ADAM12: variants seen among roughly 807,000 people sequenced by gnomAD.
ADAM12 encodes disintegrin and metalloproteinase domain-containing protein 12.
Under a neutral mutation model 106.4 loss-of-function variants are expected in ADAM12, and 70 were observed. The ratio of observed to expected loss-of-function variants is 0.66; its 90% CI spans 0.54 to 0.80. ADAM12 has a LOEUF of 0.80. Ranked by LOEUF, ADAM12 falls within the 30% of genes least tolerant of loss-of-function variation. The pLI is 0.00. For synonymous variants in ADAM12, 420 were observed against 433.5 expected (o/e 0.97, Z 0.39); for missense variants, 1,010 against 1,171.9 (o/e 0.86, Z 2.02).
At chr10:126,191,699 A>G (rs2133804054) in intron 3 of ADAM12, among the ~76,000 whole-genome samples, 1 of 152,344 alleles carries the variant, frequency 6.6e-6, no homozygotes, top group Non-Finnish European at 1.5e-5. Context: ...TGTGGACAAT[A>G]GCTTAACATA....
chr10:126,018,141 C>A lies in ADAM12; in HGVS notation c.2661-802G>T, dbSNP rs11244769. 2.6e-5 allele frequency among the ~76,000 whole-genome samples: 4 copies of A among 152,322 alleles called. No homozygotes were observed. In the East Asian group the frequency reaches 5.8e-4, roughly 22 times the overall value. On this transcript the variant is annotated intron_variant, in intron 22 of 22. Coordinates refer to ENST00000448723, the MANE Select transcript of ADAM12 (RefSeq NM_001288973.2). ...TCTTTCACGGGCCAAACATTCTTCC[C>A]AAGAGCTGTAATAAAATCACTCCAG... is the stretch of plus-strand genomic sequence containing the variant.
chr10:126,274,659 G>A (rs1000931923), intron 3 of ADAM12, among the ~76,000 whole-genome samples: 1 of 152,002 alleles, frequency 6.6e-6, no homozygotes, highest in African/African-American at 2.4e-5. Flanking sequence ...TATCTTCATC[G>A]AGATGGTCCA....
intron 11 of ADAM12, among the ~76,000 whole-genome samples, chr10:126,075,264 G>C (rs1284639376): frequency 6.6e-6 from 1 of 152,194 alleles, no homozygotes; most frequent in Non-Finnish European, 1.5e-5. Flanking sequence ...CAAGGAGGCA[G>C]GTGACTATTC....
At position 126,240,555 on chromosome 10, in the gene ADAM12, T is replaced by G. The variant is rs148623269; in HGVS notation, c.260+38360A>C. Among the ~76,000 whole-genome samples, 370 of 152,336 alleles carry G rather than the reference T, an allele frequency of 2.4e-3. 1 individual carries two copies. Among genetic ancestry groups the G allele is most frequent in the African/African-American group, 8.2e-3 (339 of 41,576 alleles). On this transcript the variant is annotated intron_variant, in intron 3 of 22. Coordinates refer to ENST00000448723, the MANE Select transcript of ADAM12 (RefSeq NM_001288973.2). Reference sequence around the variant, plus strand: ...GGAAAGACTGAGGGTTAGGCAGGCCTATTTCACACAGGCAGTCAGCTGTGC... The same window carrying G: ...GGAAAGACTGAGGGTTAGGCAGGCCGATTTCACACAGGCAGTCAGCTGTGC...
At chr10:126,287,965 A>G (rs1413389156) in intron 2 of ADAM12, among the ~76,000 whole-genome samples, 1 of 151,786 alleles carries the variant, frequency 6.6e-6, no homozygotes, top group Non-Finnish European at 1.5e-5. Flanking sequence ...ATGCCTCTGT[A>G]GGATGAAGGG....
intron 5 of ADAM12, among the ~76,000 whole-genome samples, chr10:126,125,927 G>T (rs1440577947): frequency 1.3e-5 from 2 of 151,728 alleles, no homozygotes; most frequent in African/African-American, 4.8e-5. Flanking sequence ...GCATAGCAGG[G>T]ATGGCCAGAA....
intron 14 of ADAM12, among the ~76,000 whole-genome samples, chr10:126,058,090 GT>G (rs1954672203): frequency 6.6e-6 from 1 of 152,146 alleles, no homozygotes; most frequent in Admixed American, 6.5e-5. Flanking sequence ...GGGCTCCCGT[GT>G]CCTTCAGGGC....
intron 4 of ADAM12, among the ~76,000 whole-genome samples, chr10:126,146,160 G>C (rs1275984812): frequency 1.3e-5 from 2 of 152,210 alleles, no homozygotes; most frequent in African/African-American, 4.8e-5. Context: ...TGGTGGACAG[G>C]AAAGGGTGTG....
At chr10:126,101,437 G>C (rs1161984081) in intron 8 of ADAM12, among the ~76,000 whole-genome samples, 196 bp from the exon 9 acceptor site, 3 of 152,192 alleles carry the variant, frequency 2.0e-5, no homozygotes, top group Non-Finnish European at 2.9e-5. Context: ...GTGTTAACTA[G>C]GTTCTCGAAG....
At chr10:126,331,525 AGTTATATTCAG>A (rs1854511346) in intron 1 of ADAM12, among the ~76,000 whole-genome samples, 2 of 152,186 alleles carry the variant, frequency 1.3e-5, no homozygotes, top group South Asian at 4.1e-4. Context: ...GGAAGTCTGC[AGTTATATTCAG>A]GTTACCAAAG....
chr10:126,235,859 G>GCAGGGTGTGGGGTACA (rs990777764), intron 3 of ADAM12, among the ~76,000 whole-genome samples: 1 of 152,176 alleles, frequency 6.6e-6, no homozygotes, highest in African/African-American at 2.4e-5. Context: ...TAAGCAAGAA[G>GCAGGGTGTGGGGTACA]CAGGGTGTGG....
chr10:126,210,461 A>T (rs1590624989), intron 3 of ADAM12, among the ~76,000 whole-genome samples: 2 of 152,208 alleles, frequency 1.3e-5, no homozygotes, highest in Non-Finnish European at 2.9e-5. Context: ...CAATGACCAC[A>T]CAGCATGTCA....
At position 126,079,941 on chromosome 10, in the gene ADAM12, T is replaced by C. The variant is rs1318073783; in HGVS notation, c.1146-8287A>G. ...AGAGAGGATGCTGGCAAGATGCTAC[T>C]GATCTGATTTTAGGCATGTGCTAAA... On this transcript the variant is annotated intron_variant, in intron 11 of 22. Transcript: ENST00000448723. Among the ~76,000 whole-genome samples, 7 of 152,358 alleles carry C rather than the reference T, an allele frequency of 4.6e-5. 1 individual carries two copies. In the South Asian group the frequency reaches 1.2e-3, roughly 27 times the overall value.
chr10:126,126,255 G>A (rs1255318334), intron 5 of ADAM12, among the ~76,000 whole-genome samples: 2 of 152,068 alleles, frequency 1.3e-5, no homozygotes, highest in Non-Finnish European at 2.9e-5. Context: ...TGCTGGGGAT[G>A]ACCTTCGAGG....
intron 2 of ADAM12, among the ~76,000 whole-genome samples, chr10:126,296,726 C>T (rs1960398950): frequency 6.6e-6 from 1 of 152,206 alleles, no homozygotes; most frequent in Non-Finnish European, 1.5e-5. Flanking sequence ...CAAATCCAGT[C>T]CAGGAGTGCA....
At chr10:126,152,965 C>T (rs376216453) in intron 4 of ADAM12, among the ~76,000 whole-genome samples, 50 of 152,252 alleles carry the variant, frequency 3.3e-4, no homozygotes, top group African/African-American at 1.2e-3. Flanking sequence ...GTCACTGTTG[C>T]AACAGTCATT....
chr10:126,218,785 C>A (rs953802140), intron 3 of ADAM12, among the ~76,000 whole-genome samples: 7 of 152,292 alleles, frequency 4.6e-5, no homozygotes, highest in African/African-American at 1.7e-4. Flanking sequence ...CTGTTCTACC[C>A]CAGTTCTCAT....
intron 1 of ADAM12, among the ~76,000 whole-genome samples, chr10:126,372,549 C>T (rs1003645025): frequency 6.6e-6 from 1 of 152,192 alleles, no homozygotes; most frequent in Non-Finnish European, 1.5e-5. Context: ...TTTATAACTA[C>T]AACGCCAGAA....
chr10:126,228,157 A>T (rs533793541), intron 3 of ADAM12, among the ~76,000 whole-genome samples: 147 of 152,320 alleles, frequency 9.7e-4, no homozygotes, highest in Non-Finnish European at 1.8e-3. Context: ...TTCTGGAATG[A>T]AAATCAAGTC....
Sources: gnomAD v4.1 joint callset for allele counts (sites outside exome capture counted in the v4.1 genomes callset) on GRCh38, gnomAD v4.1.1 for gene constraint, MANE v1.5 for transcripts, NCBI Gene and HGNC (gene_info 2026-07-23, HGNC 2026-07-21) for gene names.